The following INSRR variants were observed in gnomAD, a reference collection of about 807,000 sequenced individuals.
The protein encoded by INSRR is insulin receptor related receptor.
In INSRR, 114 loss-of-function variants were observed where a neutral mutation model predicts 130.0. The observed-to-expected ratio is 0.88, with a 90% CI of 0.75 to 1.02. The LOEUF (loss-of-function observed/expected upper bound fraction) is 1.02, where lower values mean the gene tolerates loss of function less well. Ranked by LOEUF, INSRR falls within the 50% of genes least tolerant of loss-of-function variation. INSRR has a pLI of 0.00. For missense variants in INSRR, 1,657 were observed against 1,735.2 expected (o/e 0.95, Z 0.80); for synonymous variants, 674 against 705.2 (o/e 0.96, Z 0.70).
rs771242724 is a variant in INSRR at position 156,845,245 on chromosome 1, G to C, written c.2268C>G (p.Asn756Lys). ...RAAGPLRLGG[N>K]SSDFEIQEDK... ...CCTCCTGGATCTCGAAATCCGAGCT[G>C]TTGCCCCCCAGCCGGAGGGGCCCAG... is the stretch of plus-strand genomic sequence containing the variant. Residue 756 changes from asparagine (N) to lysine (K), a missense_variant, in exon 12 of 22, where the codon AAC becomes AAG. Asn to Lys is a moderately conservative substitution (Grantham distance 94). Coordinates refer to ENST00000368195, the MANE Select transcript of INSRR (RefSeq NM_014215.3). 5 of 1,611,038 alleles carry C rather than the reference G, an allele frequency of 3.1e-6. No individual in the cohort carries two copies. Among genetic ancestry groups the C allele is most frequent in the Non-Finnish European group, 4.2e-6 (5 of 1,178,882 alleles).
Position 156,857,239 on chromosome 1 carries a change from A to G in INSRR, c.85+1298T>C, listed in dbSNP as rs1655443026. On this transcript the variant is annotated intron_variant, in intron 1 of 21. Coordinates refer to ENST00000368195, the MANE Select transcript of INSRR (RefSeq NM_014215.3). ...TATGTCTGAGCCCACGCAGATACAC[A>G]CACAAAAAAGAGGGAGAGAGAATGA... Among the ~76,000 whole-genome samples, 3 of 151,836 alleles carry G rather than the reference A, an allele frequency of 2.0e-5. No homozygotes were observed. In the South Asian group the frequency reaches 6.2e-4, roughly 32 times the overall value.
In INSRR at chr1:156,845,692, G is replaced by A; in HGVS notation, c.2101C>T (p.Pro701Ser). 2 of 1,612,092 alleles carry A rather than the reference G, an allele frequency of 1.2e-6. No individual in the cohort carries two copies. Among genetic ancestry groups the A allele is most frequent in the South Asian group, 2.2e-5 (2 of 90,862 alleles). The stretch of plus-strand genomic sequence containing the variant: ...AACGAGGCCTCTTGCGCCTCCAGCG[G>A]GGGCAGAACCTGACCAGGAGGTGGG... ...QHPPPGQVLP[P>S]LEAQEASFQK... The change falls in exon 10 of 22, where the codon CCG (proline) becomes TCG (serine). Residue 701 changes from proline (P) to serine (S), a missense_variant. Pro to Ser is a moderately conservative substitution (Grantham distance 74). Transcript: ENST00000368195.
rs1655015087 is a variant in INSRR at position 156,846,517 on chromosome 1, A to ACTGCCTGC, written c.1810+1_1810+2insGCAGGCAG. ...TGACTCTTGCACCCTCCAAATGCCT[A>ACTGCCTGC]CCTGCAGGCAGCGTTCGGAGGTAGA... On this transcript the variant is annotated splice_donor_variant, in intron 8 of 21. Transcript: ENST00000368195. LOFTEE classifies it high-confidence loss of function. The ACTGCCTGC allele has an allele frequency of 6.2e-7, 1 of 1,609,878 alleles. No individual in the cohort carries two copies. Among genetic ancestry groups the ACTGCCTGC allele is most frequent in the Non-Finnish European group, 8.5e-7 (1 of 1,176,470 alleles).
In INSRR at chr1:156,854,110, G is replaced by A. The variant is rs778760327; in HGVS notation, c.279C>T (p.Ser93=). ...CTAGGTTGGGGAAGAGGTCGCGCAG[G>A]CTCTCCAGTCCGTAGACACGGAAGA... The part of the protein sequence containing the change: ...LLLFRVYGLE[S]LRDLFPNLAV... The change falls in exon 2 of 22, where the codon AGC becomes AGT. Residue 93 remains serine (S), a synonymous_variant. Transcript: ENST00000368195. The surrounding 1 kb of genome is among the most constrained non-coding windows in gnomAD (Gnocchi z 4.2). 1.2e-6 allele frequency: 2 copies of A among 1,614,132 alleles called. No individual in the cohort carries two copies.
At chr1:156,852,289 C>T in intron 2 of INSRR, 98 bp from the exon 3 acceptor site, 1 of 1,186,940 alleles carries the variant, frequency 8.4e-7, no homozygotes, top group Admixed American at 2.4e-5. Context: ...GGATGACACT[C>T]AATCTGCACC....
chr1:156,846,862 A>T (rs751673961), intron 7 of INSRR, 105 bp from the exon 8 acceptor site: 2 of 935,768 alleles, frequency 2.1e-6, no homozygotes, highest in Non-Finnish European at 3.4e-6. Flanking sequence ...TCCAGTATGC[A>T]TGAGGGCAAA....
intron 19 of INSRR, 33 bp downstream of exon 19, chr1:156,842,079 A>G: frequency 1.2e-6 from 2 of 1,612,826 alleles, no homozygotes; most frequent in South Asian, 1.1e-5. Context: ...TCTACTTTTC[A>G]GGCCGCCCTC....
chr1:156,842,112 C>A lies in INSRR; in HGVS notation c.3397G>T (p.Asp1133Tyr), dbSNP rs1222103965. Residue 1133 changes from aspartate to tyrosine, a missense_variant and splice_region_variant, in exon 19 of 22, where the codon GAC becomes TAC. Transcript: ENST00000368195. ...CTCATCTGCCTGGCACCCTCTGTAC[C>A]CCCGATCTTGACGGTGAAGTCCTGG... ...VSQDFTVKIG[D>Y]FGMTRDVYET... The A allele has an allele frequency of 1.2e-6, 2 of 1,613,896 alleles. No individual in the cohort carries two copies.
At position 156,844,196 on chromosome 1, in the gene INSRR, C is replaced by T; in HGVS notation, c.2822G>A (p.Gly941Asp). The change falls in exon 15 of 22, where the codon GGT becomes GAT. Residue 941 changes from glycine to aspartate, a missense_variant. Coordinates refer to ENST00000368195, the MANE Select transcript of INSRR (RefSeq NM_014215.3). ...LTLLIVLAAL[G>D]FFYGKKRNRT... is the part of the protein sequence containing the mutation. ...TCACCTCTTCTTGCCGTAGAAGAAACCAAGGGCAGCAAGAACGATGAGCAG... is the reference window on the plus strand; with the variant it reads ...TCACCTCTTCTTGCCGTAGAAGAAATCAAGGGCAGCAAGAACGATGAGCAG... 1 of 1,613,806 alleles carries T rather than the reference C, an allele frequency of 6.2e-7. No individual in the cohort carries two copies. Among genetic ancestry groups the T allele is most frequent in the South Asian group, 1.1e-5 (1 of 91,070 alleles).
Position 156,845,614 on chromosome 1 carries a change from C to G in INSRR, c.2174+5G>C, listed in dbSNP as rs1654969364. ...ACCCTCCCAGGCCGCGCGCGCTCTTCGCACATGGGGATGGTGATCGCGTTG... is the reference window on the plus strand; with the variant it reads ...ACCCTCCCAGGCCGCGCGCGCTCTTGGCACATGGGGATGGTGATCGCGTTG... On this transcript the variant is annotated splice_donor_5th_base_variant and intron_variant, in intron 10 of 21. Transcript: ENST00000368195. 1 of 1,531,734 alleles carries G rather than the reference C, an allele frequency of 6.5e-7. No individual in the cohort carries two copies. Among genetic ancestry groups the G allele is most frequent in the Non-Finnish European group, 8.8e-7 (1 of 1,131,066 alleles). 94.9% of individuals were successfully genotyped at this position (1,531,734 alleles called of 1,614,324 possible). A position where few individuals can be genotyped will look rare whatever the true frequency, so the allele number is the denominator to read the frequency against.
rs200688061 is a variant in INSRR, at chr1:156,842,199, C to T, written c.3310G>A (p.Ala1104Thr). Residue 1104 changes from alanine (A) to threonine (T), a missense_variant, in exon 19 of 22, where the codon GCC (alanine) becomes ACC (threonine). Coordinates refer to ENST00000368195, the MANE Select transcript of INSRR (RefSeq NM_014215.3). ...QMAGEIADGM[A>T]YLAANKFVHR... ...ACAAACTTGTTGGCAGCAAGGTAGG[C>T]CATGCCGTCTGCAATCTCACCAGCC... The T allele has an allele frequency of 6.2e-7, 1 of 1,614,076 alleles. No individual in the cohort carries two copies. Among genetic ancestry groups the T allele is most frequent in the Non-Finnish European group, 8.5e-7 (1 of 1,180,004 alleles).
intron 1 of INSRR, among the ~76,000 whole-genome samples, chr1:156,855,176 T>TTATCTATATCTATC (rs1553259894): frequency 3.5e-5 from 5 of 143,462 alleles, no homozygotes; most frequent in African/African-American, 5.3e-5. Context: ...CCATCCAATT[T>TTATCTATATCTATC]TATCTATCTA....
chr1:156,843,544 G>A, intron 15 of INSRR, 65 bp from the exon 16 acceptor site: 1 of 1,480,658 alleles, frequency 6.8e-7, no homozygotes, highest in Non-Finnish European at 9.4e-7. Flanking sequence ...AACATCAGAA[G>A]AAGGAAGAAG....
intron 1 of INSRR, among the ~76,000 whole-genome samples, chr1:156,858,021 T>A (rs1655471477): frequency 6.6e-6 from 1 of 152,008 alleles, no homozygotes; most frequent in African/African-American, 2.4e-5. Flanking sequence ...CCAGCCTTCC[T>A]CCCTGTAGGG....
Position 156,849,330 on chromosome 1 carries a change from AGATGT to A in INSRR, c.1355_1359del (p.His452LeufsTer17). On this transcript the variant is annotated frameshift_variant, in exon 6 of 22. Coordinates refer to ENST00000368195, the MANE Select transcript of INSRR (RefSeq NM_014215.3). LOFTEE classifies it high-confidence loss of function. Reference sequence around the variant, plus strand: ...GTGCCTGTCACCTCCTCCAGTCGGTAGATGTGTTCCAAGCAGAGGCGCGGGTTGAA... The same window carrying A: ...GTGCCTGTCACCTCCTCCAGTCGGTAGTTCCAAGCAGAGGCGCGGGTTGAA... 6.2e-7 allele frequency: 1 copy of A among 1,613,758 alleles called. No homozygotes were observed. Among genetic ancestry groups the A allele is most frequent in the Non-Finnish European group, 8.5e-7 (1 of 1,179,956 alleles).
At chr1:156,842,830 C>G (rs186028704) in intron 17 of INSRR, among the ~76,000 whole-genome samples, 174 bp downstream of exon 17, 210 of 152,296 alleles carry the variant, frequency 1.4e-3, no homozygotes, top group Non-Finnish European at 2.5e-3. Context: ...AGTGGCCCTA[C>G]TATGACCCTG....
At chr1:156,858,038 C>A (rs1558093939) in intron 1 of INSRR, among the ~76,000 whole-genome samples, 1 of 152,144 alleles carries the variant, frequency 6.6e-6, no homozygotes, top group African/African-American at 2.4e-5. Flanking sequence ...AGGGATTGGG[C>A]CCTAAGAGGG....
At chr1:156,848,183 C>A (rs553761988) in intron 7 of INSRR, among the ~76,000 whole-genome samples, 1 of 152,270 alleles carries the variant, frequency 6.6e-6, no homozygotes, top group South Asian at 2.1e-4. Flanking sequence ...TCTCCTACAA[C>A]TGACTTCCTT....
chr1:156,848,938 G>A lies in INSRR; in HGVS notation c.1554C>T (p.Ile518=), dbSNP rs777854414. ...PLEARDLLSF[I]VYYKESPFQN... is the part of the protein sequence containing the mutation. ...GCACTCACGACTCCTTGTAGTACACGATGAAGCTGAGCAGGTCGCGGGCCT... is the reference window on the plus strand; with the variant it reads ...GCACTCACGACTCCTTGTAGTACACAATGAAGCTGAGCAGGTCGCGGGCCT... Residue 518 remains isoleucine (I), a synonymous_variant, in exon 7 of 22, where the codon ATC becomes ATT. Transcript: ENST00000368195. The A allele has an allele frequency of 6.3e-7, 1 of 1,583,356 alleles. No homozygotes were observed. The highest frequency in any genetic ancestry group is 1.2e-5 in the South Asian group (1 of 86,942).
Sources: allele counts gnomAD v4.1 joint callset (sites outside exome capture counted in the v4.1 genomes callset), GRCh38; gene constraint gnomAD v4.1.1; non-coding constraint Gnocchi (gnomAD v3.1); transcripts MANE v1.5; gene names NCBI Gene and HGNC (gene_info 2026-07-23, HGNC 2026-07-21).